Variants in ASCC3 observed in about 807,000 individuals in gnomAD.
The protein encoded by ASCC3 is ASC-1 complex subunit P200.
A neutral mutation model predicts 256.3 loss-of-function variants in ASCC3; 158 were observed. The observed-to-expected ratio is 0.62, with a 90% CI of 0.54 to 0.70. The LOEUF is 0.70. Among genes scored for constraint, ASCC3 ranks in the 30% least tolerant of loss-of-function variants. The pLI is 0.00. For missense variants in ASCC3, 2,259 were observed against 2,626.0 expected, an observed-to-expected ratio of 0.86 and a Z score of 3.05; for synonymous variants, 948 against 883.4, an observed-to-expected ratio of 1.07 and a Z score of -1.30.
At chr6:100,756,269 G>C (rs962992082) in intron 10 of ASCC3, among the ~76,000 whole-genome samples, 1 of 150,872 alleles carries the variant, frequency 6.6e-6, no homozygotes, top group Non-Finnish European at 1.5e-5. Flanking sequence ...TTGTGCTTCT[G>C]AACTTTCTAG....
At chr6:100,613,798 G>A (rs1773528149) in intron 30 of ASCC3, among the ~76,000 whole-genome samples, 1 of 152,070 alleles carries the variant, frequency 6.6e-6, no homozygotes, top group Non-Finnish European at 1.5e-5. Context: ...CTCACCAACA[G>A]CGTGTAAGAG....
intron 9 of ASCC3, 30 bp downstream of exon 9, chr6:100,767,115 A>G (rs769968631): frequency 1.0e-5 from 16 of 1,596,156 alleles, no homozygotes; most frequent in Middle Eastern, 1.7e-4. Context: ...CTTACAATTT[A>G]AAAAGCTGTT....
chr6:100,644,550 G>A (rs1775286972), intron 22 of ASCC3, among the ~76,000 whole-genome samples: 1 of 152,024 alleles, frequency 6.6e-6, no homozygotes, highest in South Asian at 2.1e-4. Flanking sequence ...TATCCCATTG[G>A]ATAGATATAC....
intron 9 of ASCC3, 85 bp downstream of exon 9, chr6:100,767,060 C>T: frequency 7.4e-7 from 1 of 1,351,354 alleles, no homozygotes; most frequent in Non-Finnish European, 1.0e-6. Flanking sequence ...TCTTTAAGAA[C>T]TTTCAAATTT....
chr6:100,742,226 G>A (rs1259382433), intron 10 of ASCC3, among the ~76,000 whole-genome samples: 2 of 152,152 alleles, frequency 1.3e-5, no homozygotes, highest in East Asian at 1.9e-4. Context: ...AGCAAAGATG[G>A]CACCCTGCTC....
chr6:100,570,720 G>T (rs1004303414), intron 36 of ASCC3, among the ~76,000 whole-genome samples: 2 of 152,030 alleles, frequency 1.3e-5, no homozygotes, highest in Non-Finnish European at 2.9e-5. Flanking sequence ...GCCTGTCACA[G>T]TCCCCCCATT....
intron 11 of ASCC3, among the ~76,000 whole-genome samples, chr6:100,723,870 A>ATAT (rs1562251163): frequency 3.2e-5 from 1 of 31,550 alleles, no homozygotes; most frequent in Non-Finnish European, 5.9e-5. Context: ...TTATATATAT[A>ATAT]TATATATATA....
At chr6:100,812,495 TAAAAA>T (rs959810107) in intron 4 of ASCC3, among the ~76,000 whole-genome samples, 1 of 144,836 alleles carries the variant, frequency 6.9e-6, no homozygotes, top group Non-Finnish European at 1.5e-5. Flanking sequence ...GATAGCACTT[TAAAAA>T]AAAAAAGAAA....
intron 13 of ASCC3, among the ~76,000 whole-genome samples, chr6:100,680,088 T>A (rs1247497450): frequency 6.6e-6 from 1 of 152,214 alleles, no homozygotes; most frequent in Non-Finnish European, 1.5e-5. Flanking sequence ...ATTGGAAGAT[T>A]ACTACCATCA....
Position 100,718,181 on chromosome 6 carries a change from G to T in ASCC3, c.1973C>A (p.Ala658Asp). 6.2e-7 allele frequency: 1 copy of T among 1,613,634 alleles called. No individual in the cohort carries two copies. The highest frequency in any genetic ancestry group is 1.7e-5 in the Admixed American group (1 of 59,954). The change falls in exon 12 of 42, where the codon GCC becomes GAC. Residue 658 changes from alanine (A) to aspartate (D), a missense_variant. This residue lies in a region of ASCC3 where 1,839 missense variants were observed against 2,206.7 expected (regional missense o/e 0.83). Coordinates refer to ENST00000369162, the MANE Select transcript of ASCC3 (RefSeq NM_006828.4). ...SATLPNYLDV[A>D]TFLHVNPYIG... ...GTATGGATTAACATGTAAAAATGTG[G>T]CAACATCGAGGTAGTTAGGTAAAGT...
At chr6:100,742,272 C>T (rs1562264913) in intron 10 of ASCC3, among the ~76,000 whole-genome samples, 1 of 151,726 alleles carries the variant, frequency 6.6e-6, no homozygotes, top group African/African-American at 2.4e-5. Context: ...GGGTACTGAC[C>T]TGTTGTTGGC....
chr6:100,684,909 C>T (rs951385189), intron 13 of ASCC3, among the ~76,000 whole-genome samples: 22 of 150,936 alleles, frequency 1.5e-4, no homozygotes, highest in African/African-American at 5.4e-4. Flanking sequence ...CGGGTTGACA[C>T]CATTCTCCTG....
chr6:100,571,002 G>C (rs144356711), intron 36 of ASCC3, among the ~76,000 whole-genome samples: 1 of 152,224 alleles, frequency 6.6e-6, no homozygotes, highest in African/African-American at 2.4e-5. Context: ...AAAAAAGCTA[G>C]AATGGTCTTT....
At chr6:100,528,345 T>C (rs1282189637) in intron 37 of ASCC3, among the ~76,000 whole-genome samples, 2 of 152,212 alleles carry the variant, frequency 1.3e-5, no homozygotes, top group East Asian at 1.9e-4. Flanking sequence ...AATATACTTG[T>C]AAAGATTTGT....
At chr6:100,615,874 T>C (rs1294379578) in intron 30 of ASCC3, among the ~76,000 whole-genome samples, 1 of 152,224 alleles carries the variant, frequency 6.6e-6, no homozygotes, top group Non-Finnish European at 1.5e-5. Flanking sequence ...CTCAGCTTAA[T>C]AGTTTATTTA....
chr6:100,577,243 G>A (rs1240198267), intron 36 of ASCC3, among the ~76,000 whole-genome samples: 1 of 151,556 alleles, frequency 6.6e-6, no homozygotes, highest in Non-Finnish European at 1.5e-5. Context: ...ATCTCTTTTT[G>A]AATCTATAAA....
At chr6:100,718,686 T>C (rs75525636) in intron 11 of ASCC3, among the ~76,000 whole-genome samples, 2,348 of 152,092 alleles carry the variant, frequency 0.015, 24 homozygotes, top group East Asian at 0.045. Flanking sequence ...CTTGAGCCCA[T>C]ATGATCATGT....
intron 13 of ASCC3, among the ~76,000 whole-genome samples, chr6:100,712,083 T>C (rs765963091): frequency 7.9e-5 from 12 of 152,150 alleles, no homozygotes; most frequent in Non-Finnish European, 1.6e-4. Flanking sequence ...AAAATGAATC[T>C]AGACGCAGAC....
chr6:100,763,959 T>C (rs998595753), intron 10 of ASCC3, among the ~76,000 whole-genome samples: 3 of 124,826 alleles, frequency 2.4e-5, no homozygotes, highest in Non-Finnish European at 5.8e-5. Flanking sequence ...TAAGTCTAAG[T>C]AGATTTTTTT....
Sources: gnomAD v4.1 joint callset for allele counts (sites outside exome capture counted in the v4.1 genomes callset) on GRCh38, gnomAD v4.1.1 for gene constraint, gnomAD v4.1.1 regional missense constraint, MANE v1.5 for transcripts, NCBI Gene and HGNC (gene_info 2026-07-23, HGNC 2026-07-21) for gene names.